Variants in PAFAH1B2 observed in about 807,000 individuals in gnomAD.
PAFAH1B2 encodes the protein platelet activating factor acetylhydrolase 1b catalytic subunit 2, also known as platelet-activating factor acetylhydrolase IB subunit alpha2.
PAFAH1B2 carries 8 observed loss-of-function variants against 28.0 expected under a neutral mutation model. The ratio of observed to expected loss-of-function variants is 0.29; its 90% confidence interval spans 0.17 to 0.52. PAFAH1B2 has a LOEUF of 0.52. Among genes scored for constraint, PAFAH1B2 ranks in the 20% least tolerant of loss-of-function variants. PAFAH1B2 has a pLI of 0.97. For missense variants in PAFAH1B2, 190 were observed against 282.6 expected, an observed-to-expected ratio of 0.67 and a Z score of 2.35; for synonymous variants, 104 against 103.2, an observed-to-expected ratio of 1.01 and a Z score of -0.05.
intron 1 of PAFAH1B2, among the ~76,000 whole-genome samples, chr11:117,148,297 C>T (rs944637044): frequency 1.3e-5 from 2 of 152,060 alleles, no homozygotes; most frequent in Non-Finnish European, 2.9e-5. Flanking sequence ...AGGTGATCCT[C>T]CTGCCTCGGC....
rs1157272716 is a variant in PAFAH1B2, at chr11:117,169,596, T to C, written c.*1897T>C. The C allele has an allele frequency of 4.7e-6, 5 of 1,053,212 alleles. No homozygotes were observed. The highest frequency in any genetic ancestry group is 5.7e-6 in the Non-Finnish European group (5 of 871,374). 65.2% of individuals were successfully genotyped at this position (1,053,212 alleles called of 1,614,324 possible). ...CTTTCTAGAAAATTTTTTGGTTTTG[T>C]TCTTTTTAAAAAATACATACTTTTT... On this transcript the variant is annotated 3_prime_UTR_variant, in exon 6 of 6. Transcript: ENST00000527958.
chr11:117,159,867 A>C (rs1048929391), intron 2 of PAFAH1B2, 67 bp from the exon 3 acceptor site: 7 of 1,156,304 alleles, frequency 6.1e-6, no homozygotes, highest in African/African-American at 3.0e-5. Context: ...TTGAGAGTTC[A>C]AGCATGGGCC....
intron 5 of PAFAH1B2, 41 bp downstream of exon 5, chr11:117,163,933 G>C (rs894714414): frequency 1.9e-6 from 3 of 1,597,060 alleles, no homozygotes; most frequent in Non-Finnish European, 2.6e-6. Flanking sequence ...TTATCTTTAG[G>C]TCAGCTGAGG....
chr11:117,144,539 C>G, intron 1 of PAFAH1B2, 121 bp downstream of exon 1: 1 of 177,248 alleles, frequency 5.6e-6, no homozygotes, highest in Non-Finnish European at 1.2e-5. Context: ...CCCCTCCCCC[C>G]ACGCCGCCCC....
At chr11:117,175,152 C>T, downstream of PAFAH1B2, 14 of 1,180,678 alleles carry the variant, frequency 1.2e-5, no homozygotes, top group Non-Finnish European at 1.5e-5. Context: ...ACCCTGACCG[C>T]TTGAGGGCCA....
downstream of PAFAH1B2, among the ~76,000 whole-genome samples, chr11:117,177,631 G>A (rs2030057735): frequency 6.6e-6 from 1 of 152,218 alleles, no homozygotes; most frequent in African/African-American, 2.4e-5. Context: ...GCCTGGTAGA[G>A]TTAAGCGATT....
At position 117,169,726 on chromosome 11, in the gene PAFAH1B2, G is replaced by T. The variant is rs1277689772; in HGVS notation, c.*2027G>T. The T allele has an allele frequency of 2.8e-6, 3 of 1,057,900 alleles. No individual in the cohort carries two copies. Among genetic ancestry groups the T allele is most frequent in the Non-Finnish European group, 2.3e-6 (2 of 874,936 alleles). The allele number at this position is 1,057,900 out of a possible 1,614,324, so 65.5% of individuals were successfully genotyped here. A position where few individuals can be genotyped will look rare whatever the true frequency, so the allele number is the denominator to read the frequency against. ...TTTTATTTTTAGTAGCCCAGGTTGA[G>T]TTTTTCACAAGAGATTTTTTTCTTA... On this transcript the variant is annotated 3_prime_UTR_variant, in exon 6 of 6. Coordinates refer to ENST00000527958, the MANE Select transcript of PAFAH1B2 (RefSeq NM_002572.4).
downstream of PAFAH1B2, chr11:117,175,696 C>A: frequency 8.5e-7 from 1 of 1,172,702 alleles, no homozygotes; most frequent in Non-Finnish European, 1.1e-6. Flanking sequence ...TGGGCTCCAC[C>A]TCCCAAGATG....
At chr11:117,153,064 C>G (rs1459420431) in intron 2 of PAFAH1B2, among the ~76,000 whole-genome samples, 1 of 151,988 alleles carries the variant, frequency 6.6e-6, no homozygotes, top group Non-Finnish European at 1.5e-5. Context: ...GACTGCATCT[C>G]AAAACAAACA....
At chr11:117,146,001 A>T (rs1290986135) in intron 1 of PAFAH1B2, among the ~76,000 whole-genome samples, 1 of 152,200 alleles carries the variant, frequency 6.6e-6, no homozygotes, top group Admixed American at 6.5e-5. Flanking sequence ...TCGTCTTCCC[A>T]GAGAACTCAC....
At chr11:117,164,986 C>T (rs534979542) in intron 5 of PAFAH1B2, among the ~76,000 whole-genome samples, 16 of 136,046 alleles carry the variant, frequency 1.2e-4, no homozygotes, top group African/African-American at 2.1e-4. Flanking sequence ...GACAGAGTCT[C>T]GCTCTGTCGC....
In PAFAH1B2 at chr11:117,168,259, GTTCTGCT is replaced by G. The variant is rs1247488758; in HGVS notation, c.*565_*571del. ...AGATGCTATAGTTAGAAGTGAATTT[GTTCTGCT>G]TTCTTAATCTTTTCCATGCTTAGCA... On this transcript the variant is annotated 3_prime_UTR_variant, in exon 6 of 6. Coordinates refer to ENST00000527958, the MANE Select transcript of PAFAH1B2 (RefSeq NM_002572.4). 9.4e-7 allele frequency: 1 copy of G among 1,062,390 alleles called. No individual in the cohort carries two copies. Among genetic ancestry groups the G allele is most frequent in the Non-Finnish European group, 1.1e-6 (1 of 877,626 alleles). 65.8% of individuals were successfully genotyped at this position (1,062,390 alleles called of 1,614,324 possible). A position where few individuals can be genotyped will look rare whatever the true frequency, so the allele number is the denominator to read the frequency against.
intron 4 of PAFAH1B2, among the ~76,000 whole-genome samples, chr11:117,162,014 G>C (rs1956384138): frequency 1.3e-5 from 2 of 152,110 alleles, no homozygotes; most frequent in Non-Finnish European, 2.9e-5. Context: ...AAGCAGATGT[G>C]AACAAATGAA....
rs192737091 is a variant in PAFAH1B2, at chr11:117,147,549, T to G, written c.-8+3131T>G. On this transcript the variant is annotated intron_variant, in intron 1 of 5. Coordinates refer to ENST00000527958, the MANE Select transcript of PAFAH1B2 (RefSeq NM_002572.4). ...GTTTTAATCCTCTATATGCATAGTC[T>G]TCTAGGTTGTGCATTTCCAGCTTTG... Among the ~76,000 whole-genome samples, 64 of 152,352 alleles carry G rather than the reference T, an allele frequency of 4.2e-4. 1 individual carries two copies. Among genetic ancestry groups the G allele is most frequent in the Admixed American group, 4.1e-3 (62 of 15,296 alleles).
rs112545791 is a variant in PAFAH1B2, at chr11:117,165,118, G to A, written c.411+1226G>A. Among the ~76,000 whole-genome samples, 416 of 150,846 alleles carry A rather than the reference G, an allele frequency of 2.8e-3. 2 individuals are homozygous for A. The highest frequency in any genetic ancestry group is 0.017 in the Middle Eastern group (5 of 294). On this transcript the variant is annotated intron_variant, in intron 5 of 5. Transcript: ENST00000527958. ...CTACAGGCGCCCGCCACCACACCCG[G>A]CTAATTTTTTGTATTTTTAGTAGAG...
At chr11:117,152,229 C>T (rs1453574135) in intron 1 of PAFAH1B2, among the ~76,000 whole-genome samples, 1 of 152,190 alleles carries the variant, frequency 6.6e-6, no homozygotes, top group Non-Finnish European at 1.5e-5. Context: ...TCAAAGCTAT[C>T]TGGCGGTTTA....
chr11:117,158,065 G>T (rs747666479), intron 2 of PAFAH1B2, among the ~76,000 whole-genome samples: 3 of 152,198 alleles, frequency 2.0e-5, no homozygotes, highest in Non-Finnish European at 4.4e-5. Flanking sequence ...TTGAACCCGG[G>T]AGGTGGAGGT....
intron 5 of PAFAH1B2, among the ~76,000 whole-genome samples, chr11:117,166,668 C>T (rs1956518372): frequency 6.6e-6 from 1 of 152,114 alleles, no homozygotes. Flanking sequence ...AACAGTTATT[C>T]CAGGGTTATT....
downstream of PAFAH1B2, among the ~76,000 whole-genome samples, chr11:117,173,225 G>A (rs60959364): frequency 6.6e-6 from 1 of 152,174 alleles, no homozygotes. Context: ...GTATATCACA[G>A]ATATTTCCCA....
Sources: allele counts gnomAD v4.1 joint callset (sites outside exome capture counted in the v4.1 genomes callset), GRCh38; gene constraint gnomAD v4.1.1; transcripts MANE v1.5; gene names NCBI Gene and HGNC (gene_info 2026-07-23, HGNC 2026-07-21).